The following NOX3 variants were observed in gnomAD, a reference collection of about 807,000 sequenced individuals.
NOX3 encodes NADPH oxidase catalytic subunit-like 3.
In NOX3, 74 loss-of-function variants were observed where a neutral mutation model predicts 76.7. That is an observed-to-expected ratio of 0.96 (90% CI 0.80 to 1.17). The LOEUF is 1.17. Ranked by LOEUF, NOX3 falls within the 50% of genes most tolerant of loss-of-function variation. The pLI is 0.00. For missense variants in NOX3, 695 were observed against 703.3 expected (o/e 0.99, Z 0.13); for synonymous variants, 263 against 261.1 (o/e 1.01, Z -0.07).
At chr6:155,454,179 C>G (rs896342058) in intron 3 of NOX3, among the ~76,000 whole-genome samples, 2 of 152,020 alleles carry the variant, frequency 1.3e-5, no homozygotes, top group African/African-American at 4.8e-5. Context: ...ACAGGGTTGC[C>G]AGAAGTCTTC....
chr6:155,416,744 C>CTTTTTTTTTTTTTT lies in NOX3; in HGVS notation c.1309-5398_1309-5385dup, dbSNP rs534711414. 8.1e-4 allele frequency among the ~76,000 whole-genome samples: 75 copies of CTTTTTTTTTTTTTT among 92,526 alleles called. 6 individuals carry two copies. The highest frequency in any genetic ancestry group is 2.1e-3 in the African/African-American group (50 of 24,090). 60.7% of individuals were successfully genotyped at this position (92,526 alleles called of 152,430 possible). ...GGACAACTGAAACATCTGAAACATT[C>CTTTTTTTTTTTTTT]TTTTTTTTTTTTTTTTTTTTTTTTG... On this transcript the variant is annotated intron_variant, in intron 10 of 13. Coordinates refer to ENST00000159060, the MANE Select transcript of NOX3 (RefSeq NM_015718.3).
chr6:155,453,531 A>G (rs751869425), intron 3 of NOX3, 43 bp from the exon 4 acceptor site: 1 of 1,419,106 alleles, frequency 7.0e-7, no homozygotes, highest in Non-Finnish European at 1.0e-6. Context: ...GAAAAATTGC[A>G]GTGAAAACAA....
chr6:155,438,888 C>A (rs1410431044), intron 6 of NOX3, among the ~76,000 whole-genome samples: 1 of 152,044 alleles, frequency 6.6e-6, no homozygotes, highest in Non-Finnish European at 1.5e-5. Context: ...TGCTGGCAAG[C>A]CAAAAAGGGC....
At chr6:155,405,045 A>G (rs1193315837) in intron 12 of NOX3, among the ~76,000 whole-genome samples, 2 of 152,222 alleles carry the variant, frequency 1.3e-5, no homozygotes, top group Non-Finnish European at 2.9e-5. Flanking sequence ...AAATGACCAT[A>G]AGATAAATAA....
chr6:155,455,754 A>G lies in NOX3; in HGVS notation c.47T>C (p.Val16Ala). 2.5e-6 allele frequency: 4 copies of G among 1,610,868 alleles called. No individual in the cohort carries two copies. In the South Asian group the frequency reaches 4.4e-5, roughly 18 times the overall value. Reference protein sequence around the residue: ...ILNEGLSTILVLSWLGINFYL... With the variant: ...ILNEGLSTILALSWLGINFYL... Reference sequence around the variant, plus strand: ...TTGAATAACAAAAATGATACTTACTACTAATATGGTGGAGAGACCCTCATT... The same window carrying G: ...TTGAATAACAAAAATGATACTTACTGCTAATATGGTGGAGAGACCCTCATT... Residue 16 changes from valine (V) to alanine (A), a missense_variant and splice_region_variant, in exon 1 of 14, where the codon GTA (valine) becomes GCA (alanine). Coordinates refer to ENST00000159060, the MANE Select transcript of NOX3 (RefSeq NM_015718.3).
intron 10 of NOX3, among the ~76,000 whole-genome samples, chr6:155,420,283 C>T (rs1394053301): frequency 2.6e-5 from 4 of 152,126 alleles, no homozygotes; most frequent in South Asian, 2.1e-4. Flanking sequence ...AAATGAGACA[C>T]GCTATCCACC....
chr6:155,448,579 C>T (rs764076806), intron 4 of NOX3, among the ~76,000 whole-genome samples: 16 of 147,872 alleles, frequency 1.1e-4, no homozygotes, highest in Non-Finnish European at 1.9e-4. Flanking sequence ...ACTACACATG[C>T]GCATTTAATT....
chr6:155,454,296 C>G (rs1445170231), intron 3 of NOX3, among the ~76,000 whole-genome samples: 1 of 152,174 alleles, frequency 6.6e-6, no homozygotes, highest in Non-Finnish European at 1.5e-5. Flanking sequence ...TTTTGAAGGT[C>G]TCATTCTCTG....
chr6:155,442,028 G>A (rs543925215), intron 5 of NOX3, among the ~76,000 whole-genome samples: 9 of 152,272 alleles, frequency 5.9e-5, no homozygotes, highest in African/African-American at 1.9e-4. Flanking sequence ...ACTTTGGGAG[G>A]CCGAGGTGGG....
intron 10 of NOX3, among the ~76,000 whole-genome samples, chr6:155,420,686 C>A (rs1776678276): frequency 6.6e-6 from 1 of 152,042 alleles, no homozygotes; most frequent in African/African-American, 2.4e-5. Flanking sequence ...TGTGATCAGG[C>A]CTTAGTTTTC....
At chr6:155,400,826 C>T (rs1779214669) in intron 12 of NOX3, among the ~76,000 whole-genome samples, 1 of 152,174 alleles carries the variant, frequency 6.6e-6, no homozygotes, top group Admixed American at 6.5e-5. Context: ...CAGAACTGTG[C>T]TGTTCGGACA....
intron 9 of NOX3, among the ~76,000 whole-genome samples, chr6:155,426,038 A>G (rs762468923): frequency 1.3e-5 from 2 of 152,210 alleles, no homozygotes; most frequent in South Asian, 2.1e-4. Flanking sequence ...GCTCTCCCCA[A>G]TATGATTTAA....
chr6:155,424,030 T>G (rs940754939), intron 9 of NOX3, among the ~76,000 whole-genome samples: 35 of 152,256 alleles, frequency 2.3e-4, no homozygotes, highest in African/African-American at 8.2e-4. Flanking sequence ...CGTGAGCCAC[T>G]GCACCTGGCA....
intron 11 of NOX3, 63 bp downstream of exon 11, chr6:155,411,150 AT>A (rs1776544150): frequency 7.1e-7 from 1 of 1,417,912 alleles, no homozygotes; most frequent in Admixed American, 1.9e-5. Flanking sequence ...CATTATTGAA[AT>A]TGTTCCTCAT....
intron 11 of NOX3, 58 bp from the exon 12 acceptor site, chr6:155,407,312 A>G: frequency 7.1e-7 from 1 of 1,417,506 alleles, no homozygotes; most frequent in Non-Finnish European, 9.7e-7. Flanking sequence ...GACTTCTATA[A>G]ATAAAGAATA....
At chr6:155,429,084 C>CAAAATAA (rs1776798461) in intron 8 of NOX3, 37 bp from the exon 9 acceptor site, 3 of 1,479,900 alleles carry the variant, frequency 2.0e-6, no homozygotes, top group Non-Finnish European at 1.8e-6. Flanking sequence ...CCTTTGTCCT[C>CAAAATAA]GAAATAATAA....
At chr6:155,395,609 A>T (rs1328293404) in intron 13 of NOX3, 35 bp from the exon 14 acceptor site, 4 of 152,212 alleles carry the variant, frequency 2.6e-5, no homozygotes, top group African/African-American at 9.6e-5. Context: ...TCAGTGAAAT[A>T]TGTAGATATT....
chr6:155,444,569 A>G lies in NOX3; in HGVS notation c.341-1151T>C, dbSNP rs554959366. ...GGAAAGGAAAAAAACTGTATGTGGA[A>G]GTTGCTAAGATCTACGGTAAGAACA... is the stretch of plus-strand genomic sequence containing the variant. On this transcript the variant is annotated intron_variant, in intron 4 of 13. Transcript: ENST00000159060. Among the ~76,000 whole-genome samples the G allele has an allele frequency of 5.9e-5, 9 of 152,360 alleles. No homozygotes were observed. The South Asian group carries it at 1.9e-3, about 32-fold the overall frequency.
In NOX3 at chr6:155,443,323, C is replaced by A. The variant is rs766895983; in HGVS notation, c.436G>T (p.Gly146Cys). 2 of 1,614,016 alleles carry A rather than the reference C, an allele frequency of 1.2e-6. No homozygotes were observed. Among genetic ancestry groups the A allele is most frequent in the Non-Finnish European group, 1.7e-6 (2 of 1,179,994 alleles). ...AGGTAGCTCTCGTTAGGGGTGTTGC[C>A]CAGCTTGGAAAGTGCGGCCAGAAGT... ...QGLLAALSKL[G>C]NTPNESYLNP... Residue 146 changes from glycine to cysteine, a missense_variant, in exon 5 of 14, where the codon GGC (glycine) becomes TGC (cysteine). Gly to Cys is a radical substitution (Grantham distance 159). Transcript: ENST00000159060.
Sources: gnomAD v4.1 joint callset for allele counts (sites outside exome capture counted in the v4.1 genomes callset) on GRCh38, gnomAD v4.1.1 for gene constraint, MANE v1.5 for transcripts, NCBI Gene and HGNC (gene_info 2026-07-23, HGNC 2026-07-21) for gene names.